Variants in IST1 observed in about 807,000 individuals in gnomAD.
The protein encoded by IST1 is IST1 factor associated with ESCRT-III.
IST1 carries 23 observed loss-of-function variants against 37.0 expected under a neutral mutation model. The observed-to-expected ratio is 0.62, with a 90% CI of 0.45 to 0.88. The LOEUF (loss-of-function observed/expected upper bound fraction) is 0.88, where lower values mean the gene tolerates loss of function less well. Among genes scored for constraint, IST1 ranks in the 40% least tolerant of loss-of-function variants. IST1 has a pLI of 0.00. For synonymous variants in IST1, 180 were observed against 161.7 expected, an observed-to-expected ratio of 1.11 and a Z score of -0.86; for missense variants, 488 against 445.4, an observed-to-expected ratio of 1.10 and a Z score of -0.86.
chr16:71,925,051 T>G (rs2142602714), intron 9 of IST1, among the ~76,000 whole-genome samples: 1 of 151,304 alleles, frequency 6.6e-6, no homozygotes, highest in Admixed American at 6.6e-5. Flanking sequence ...CTTGCTCTGT[T>G]GTCCAGGCTG....
chr16:71,894,897 AT>A, upstream of IST1: 2 of 1,371,036 alleles, frequency 1.5e-6, no homozygotes, highest in Non-Finnish European at 2.0e-6. Flanking sequence ...ACCGAGATAA[AT>A]TAGGGAAATC....
chr16:71,916,440 C>G (rs201160658), intron 2 of IST1, 22 bp from the exon 3 acceptor site: 6 of 1,609,082 alleles, frequency 3.7e-6, no homozygotes, highest in Non-Finnish European at 5.1e-6. Context: ...GCTGTGAGAT[C>G]GGAGTGGGAT....
In IST1 at chr16:71,928,003, A is replaced by G. The variant is rs3751820; in HGVS notation, c.*190A>G. On this transcript the variant is annotated 3_prime_UTR_variant, in exon 10 of 10. Coordinates refer to ENST00000378799, the MANE Select transcript of IST1 (RefSeq NM_001270975.2). ...TTCTCTGTTGATCCTGAGACTAACA[A>G]TTGGAGACTGAGGCCAGAGCAACTG... The G allele has an allele frequency of 0.25, 139,245 of 567,668 alleles. 18,475 individuals are homozygous for G. The highest frequency in any genetic ancestry group is 0.3 in the Middle Eastern group (809 of 2,698). The allele number at this position is 567,668 out of a possible 1,614,324, so 35.2% of individuals were successfully genotyped here. A position where few individuals can be genotyped will look rare whatever the true frequency, so the allele number is the denominator to read the frequency against.
At chr16:71,920,884 T>G (rs749834652) in intron 5 of IST1, 62 bp downstream of exon 5, 2 of 1,167,534 alleles carry the variant, frequency 1.7e-6, no homozygotes, top group South Asian at 2.4e-5. Context: ...GTACTGCTTG[T>G]GGCAATTCTA....
At chr16:71,900,421 T>C (rs1442429864) in intron 1 of IST1, among the ~76,000 whole-genome samples, 1 of 151,570 alleles carries the variant, frequency 6.6e-6, no homozygotes, top group Non-Finnish European at 1.5e-5. Flanking sequence ...TTCACTATTT[T>C]GGGCAGCAGT....
At chr16:71,921,166 G>C (rs2037571433) in intron 5 of IST1, 177 bp from the exon 6 acceptor site, 1 of 605,618 alleles carries the variant, frequency 1.7e-6, no homozygotes, top group Non-Finnish European at 2.9e-6. Context: ...GAATGTGAAA[G>C]AGAGACTTGG....
At chr16:71,901,041 A>G (rs760025092) in intron 1 of IST1, among the ~76,000 whole-genome samples, 1 of 152,198 alleles carries the variant, frequency 6.6e-6, no homozygotes, top group African/African-American at 2.4e-5. Flanking sequence ...AAATTTGTTT[A>G]TGTTTGTTAA....
upstream of IST1, chr16:71,895,514 A>G: frequency 1.0e-6 from 1 of 985,648 alleles, no homozygotes; most frequent in Non-Finnish European, 1.2e-6. Flanking sequence ...TGTTGTGCTG[A>G]GGCCGAGGGA....
At chr16:71,918,560 G>A (rs1204968578) in intron 4 of IST1, among the ~76,000 whole-genome samples, 1 of 151,908 alleles carries the variant, frequency 6.6e-6, no homozygotes, top group Non-Finnish European at 1.5e-5. Context: ...GGGATTACAG[G>A]TGCCCGCCAC....
Position 71,915,719 on chromosome 16 carries a change from A to G in IST1, c.79A>G (p.Lys27Glu). 6.2e-7 allele frequency: 1 copy of G among 1,607,698 alleles called. No individual in the cohort carries two copies. Among genetic ancestry groups the G allele is most frequent in the East Asian group, 2.2e-5 (1 of 44,848 alleles). Reference protein sequence around the residue: ...LVINRLKLLEKKKTELAQKAR... With the variant: ...LVINRLKLLEEKKTELAQKAR... ...CATAAATCGCCTTAAACTATTGGAG[A>G]AAAAGAAAAGTGAGTAGTGTACTTT... The change falls in exon 2 of 10, where the codon AAA becomes GAA. Residue 27 changes from lysine to glutamate, a missense_variant. This residue lies in a region of IST1 where 33 missense variants were observed against 59.3 expected (regional missense o/e 0.56). Coordinates refer to ENST00000378799, the MANE Select transcript of IST1 (RefSeq NM_001270975.2).
At chr16:71,920,433 A>G (rs1165588764) in intron 4 of IST1, among the ~76,000 whole-genome samples, 4 of 152,374 alleles carry the variant, frequency 2.6e-5, no homozygotes, top group Admixed American at 6.5e-5. Flanking sequence ...AATTTTGAAG[A>G]GGAAACTTTA....
At chr16:71,904,447 CTG>C (rs1443663635) in intron 1 of IST1, among the ~76,000 whole-genome samples, 1 of 152,214 alleles carries the variant, frequency 6.6e-6, no homozygotes, top group Non-Finnish European at 1.5e-5. Flanking sequence ...GGATCTTGCT[CTG>C]TTGCCCAGTC....
Position 71,927,912 on chromosome 16 carries a change from C to T in IST1, c.*99C>T. The T allele has an allele frequency of 3.5e-6, 3 of 863,536 alleles. No individual in the cohort carries two copies. The highest frequency in any genetic ancestry group is 5.7e-6 in the Non-Finnish European group (3 of 527,590). 53.5% of individuals were successfully genotyped at this position (863,536 alleles called of 1,614,324 possible). A position where few individuals can be genotyped will look rare whatever the true frequency, so the allele number is the denominator to read the frequency against. The stretch of plus-strand genomic sequence containing the variant: ...CATGAAATTCTGTTTCATCTGTTAA[C>T]CGTCACTCAGCACAACACTCCCTCT... On this transcript the variant is annotated 3_prime_UTR_variant, in exon 10 of 10. Transcript: ENST00000378799.
intron 1 of IST1, among the ~76,000 whole-genome samples, chr16:71,911,581 C>T (rs964742675): frequency 6.6e-6 from 1 of 151,992 alleles, no homozygotes; most frequent in Non-Finnish European, 1.5e-5. Context: ...GCCATGTATC[C>T]CATAAAATAG....
Position 71,931,021 on chromosome 16 carries a change from T to A in IST1, c.*3208T>A, listed in dbSNP as rs2037937146. 1 of 152,244 alleles carries A rather than the reference T, an allele frequency of 6.6e-6. No homozygotes were observed. The highest frequency in any genetic ancestry group is 1.5e-5 in the Non-Finnish European group (1 of 68,040). 9.4% of individuals were successfully genotyped at this position (152,244 alleles called of 1,614,324 possible). On this transcript the variant is annotated 3_prime_UTR_variant, in exon 10 of 10. Coordinates refer to ENST00000378799, the MANE Select transcript of IST1 (RefSeq NM_001270975.2). ...AGATAATGTGGGCAATCTCTGAGTT[T>A]GTGATACAAGACTTATTTCCAATAA...
chr16:71,897,437 A>G (rs1216187084), intron 1 of IST1, among the ~76,000 whole-genome samples: 2 of 152,170 alleles, frequency 1.3e-5, no homozygotes, highest in African/African-American at 4.8e-5. Flanking sequence ...CAGGAGCTCC[A>G]GAATCTCCAT....
chr16:71,929,537 A>G lies in IST1; in HGVS notation c.*1724A>G, dbSNP rs569251164. 9.0e-5 allele frequency: 140 copies of G among 1,550,280 alleles called. 1 individual carries two copies. The Middle Eastern group carries it at 2.5e-3, about 28-fold the overall frequency. On this transcript the variant is annotated 3_prime_UTR_variant, in exon 10 of 10. Transcript: ENST00000378799. ...ACTAAGCCAAGTAGGAGATAACAGG[A>G]TTAAGGTAGTTCATCTAAAACTTCA... is the stretch of plus-strand genomic sequence containing the variant.
At chr16:71,915,750 C>T in intron 2 of IST1, 22 bp downstream of exon 2, 1 of 1,501,882 alleles carries the variant, frequency 6.7e-7, no homozygotes, top group East Asian at 2.3e-5. Flanking sequence ...ACTTTTTTTC[C>T]CCAAAAATAA....
intron 1 of IST1, among the ~76,000 whole-genome samples, chr16:71,902,442 G>T (rs1597233427): frequency 6.6e-6 from 1 of 152,014 alleles, no homozygotes; most frequent in Non-Finnish European, 1.5e-5. Flanking sequence ...GCTAATTTTT[G>T]TATTTTTAGT....
Sources: allele counts gnomAD v4.1 joint callset (sites outside exome capture counted in the v4.1 genomes callset), GRCh38; gene constraint gnomAD v4.1.1; regional missense constraint gnomAD v4.1.1; transcripts MANE v1.5; gene names NCBI Gene and HGNC (gene_info 2026-07-23, HGNC 2026-07-21).